Variants in C2orf76 observed in about 807,000 individuals in gnomAD.
C2orf76 encodes UPF0538 protein C2orf76.
Under a neutral mutation model 16.9 loss-of-function variants are expected in C2orf76, and 23 were observed. The ratio of observed to expected loss-of-function variants is 1.36; its 90% CI spans 0.98 to 1.93. The LOEUF is 1.93. Among genes scored for constraint, C2orf76 ranks in the 30% most tolerant of loss-of-function variants. C2orf76 has a pLI of 0.00. For missense variants in C2orf76, 152 were observed against 152.6 expected (o/e 1.00, Z 0.02); for synonymous variants, 48 against 52.3 (o/e 0.92, Z 0.35).
chr2:119,366,777 C>G lies in C2orf76; in HGVS notation c.-13+13G>C, dbSNP rs1201380550. 3.5e-6 allele frequency: 2 copies of G among 574,812 alleles called. No homozygotes were observed. The highest frequency in any genetic ancestry group is 6.2e-6 in the Non-Finnish European group (2 of 324,292). The allele number at this position is 574,812 out of a possible 1,614,324, so 35.6% of individuals were successfully genotyped here. A position where few individuals can be genotyped will look rare whatever the true frequency, so the allele number is the denominator to read the frequency against. On this transcript the variant is annotated intron_variant, in intron 1 of 5. Transcript: ENST00000334816. ...GGCAGCAAAACTAAGCACCCTACTT[C>G]CGTTGTCCCCACCTGTTCCCGGCGT...
intron 1 of C2orf76, among the ~76,000 whole-genome samples, chr2:119,349,380 G>A (rs1680308720): frequency 6.6e-6 from 1 of 152,188 alleles, no homozygotes; most frequent in African/African-American, 2.4e-5. Context: ...GGAAAGGAGG[G>A]AAAGGCTAGG....
the C2orf76 span, among the ~76,000 whole-genome samples, chr2:119,291,005 G>A: frequency 6.6e-6 from 1 of 151,948 alleles, no homozygotes; most frequent in Non-Finnish European, 1.5e-5. Context: ...CTTAACAAAT[G>A]ACTGACACCG....
intron 1 of C2orf76, among the ~76,000 whole-genome samples, chr2:119,346,054 CAAA>C (rs56669262): frequency 1.7e-3 from 122 of 73,554 alleles, no homozygotes; most frequent in African/African-American, 5.1e-3. Flanking sequence ...GACGCCATCT[CAAA>C]AAAAAAAAAA....
intron 1 of C2orf76, among the ~76,000 whole-genome samples, chr2:119,342,942 G>A (rs937425512): frequency 1.3e-5 from 2 of 152,026 alleles, no homozygotes; most frequent in African/African-American, 4.8e-5. Flanking sequence ...GCTAATTTTT[G>A]TATTTTTAGT....
intron 1 of C2orf76, among the ~76,000 whole-genome samples, chr2:119,345,646 G>A (rs911084952): frequency 4.6e-5 from 7 of 152,292 alleles, no homozygotes; most frequent in African/African-American, 1.7e-4. Context: ...AGGGTTGGTA[G>A]AAATAAGAAG....
intron 2 of C2orf76, among the ~76,000 whole-genome samples, chr2:119,336,324 C>G (rs1178003818): frequency 2.0e-5 from 3 of 151,994 alleles, no homozygotes; most frequent in Non-Finnish European, 4.4e-5. Flanking sequence ...ATTCAGGAGC[C>G]AGAGGTTGTT....
intron 2 of C2orf76, among the ~76,000 whole-genome samples, chr2:119,328,414 A>G (rs1449070533): frequency 3.9e-5 from 6 of 152,084 alleles, no homozygotes; most frequent in Admixed American, 3.9e-4. Flanking sequence ...TGTTAAGAAT[A>G]TTCCTTTATT....
rs554692768 is a variant in C2orf76, at chr2:119,328,747, A to G, written c.134-7543T>C. 1.3e-3 allele frequency among the ~76,000 whole-genome samples: 199 copies of G among 152,242 alleles called. 1 individual carries two copies. Among genetic ancestry groups the G allele is most frequent in the African/African-American group, 4.6e-3 (193 of 41,550 alleles). On this transcript the variant is annotated intron_variant, in intron 2 of 5. Transcript: ENST00000334816. ...TTTAGTACTATAGACTTTCTTTTAAATACTATTTTACATGCATCCCACAAA... is the reference window on the plus strand; with the variant it reads ...TTTAGTACTATAGACTTTCTTTTAAGTACTATTTTACATGCATCCCACAAA...
At chr2:119,340,915 A>C (rs1680008730) in intron 1 of C2orf76, among the ~76,000 whole-genome samples, 1 of 99,388 alleles carries the variant, frequency 1.0e-5, no homozygotes, top group Non-Finnish European at 2.3e-5. Flanking sequence ...CAAACAGTTA[A>C]AAAAAAAAAA....
intron 1 of C2orf76, among the ~76,000 whole-genome samples, chr2:119,361,846 T>C (rs55765499): frequency 0.17 from 26,359 of 152,172 alleles, 2,476 homozygotes; most frequent in East Asian, 0.23. Flanking sequence ...AATAGTGTTT[T>C]TTTGAACAAC....
chr2:119,317,175 ATTTACTTTTCCAAGTTT>A, intron 4 of C2orf76, among the ~76,000 whole-genome samples: 1 of 152,140 alleles, frequency 6.6e-6, no homozygotes. Flanking sequence ...TGTAAATTGA[ATTTACTTTTCCAAGTTT>A]TATGCTTATT....
chr2:119,337,336 G>C (rs563058299), intron 2 of C2orf76, among the ~76,000 whole-genome samples: 1 of 151,802 alleles, frequency 6.6e-6, no homozygotes, highest in Non-Finnish European at 1.5e-5. Flanking sequence ...CTCCCAAATT[G>C]CTGGGATTAC....
At chr2:119,350,363 G>A (rs1454551545) in intron 1 of C2orf76, among the ~76,000 whole-genome samples, 1 of 152,140 alleles carries the variant, frequency 6.6e-6, no homozygotes, top group Admixed American at 6.5e-5. Context: ...CCCAGGTGGT[G>A]CTTTGAAAAG....
chr2:119,326,613 G>C (rs943761971), intron 2 of C2orf76, among the ~76,000 whole-genome samples: 8 of 151,746 alleles, frequency 5.3e-5, no homozygotes, highest in African/African-American at 1.9e-4. Context: ...AAAAAAGCCT[G>C]CCAGAATTTT....
At chr2:119,366,313 G>C in intron 1 of C2orf76, 1 of 410,282 alleles carries the variant, frequency 2.4e-6, no homozygotes, top group South Asian at 1.8e-5. Flanking sequence ...GTCCAAGTTT[G>C]TTAAATCAAG....
chr2:119,323,213 G>T (rs1679403148), intron 2 of C2orf76, among the ~76,000 whole-genome samples: 1 of 150,812 alleles, frequency 6.6e-6, no homozygotes, highest in South Asian at 2.1e-4. Context: ...TAATAGACAG[G>T]TTTCACTAGG....
At chr2:119,342,630 A>G (rs1191500730) in intron 1 of C2orf76, among the ~76,000 whole-genome samples, 3 of 152,252 alleles carry the variant, frequency 2.0e-5, no homozygotes, top group South Asian at 4.1e-4. Flanking sequence ...AAAAAGAAAA[A>G]AAAAAAGAAA....
chr2:119,339,904 C>T lies in C2orf76; in HGVS notation c.56G>A (p.Arg19His), dbSNP rs780592227. 90 of 1,612,934 alleles carry T rather than the reference C, an allele frequency of 5.6e-5. No individual in the cohort carries two copies. Among genetic ancestry groups the T allele is most frequent in the South Asian group, 5.3e-4 (48 of 91,042 alleles). The change falls in exon 2 of 6, where the codon CGC (arginine) becomes CAC (histidine). Residue 19 changes from arginine (R) to histidine (H), a missense_variant. Coordinates refer to ENST00000334816, the MANE Select transcript of C2orf76 (RefSeq NM_001322331.2). The part of the protein sequence containing the change: ...TVRLIRSFEH[R>H]NFKPVVYHGV... ...GTGATACACTACAGGTTTGAAATTG[C>T]GATGTTCAAAGGAACGGATGAGGCG...
At chr2:119,366,478 A>T (rs1323769344) in intron 1 of C2orf76, 6 of 471,606 alleles carry the variant, frequency 1.3e-5, no homozygotes. Flanking sequence ...CTTTCGGGAG[A>T]CCAGTCCAGC....
Sources: gnomAD v4.1 joint callset for allele counts (sites outside exome capture counted in the v4.1 genomes callset) on GRCh38, gnomAD v4.1.1 for gene constraint, MANE v1.5 for transcripts, NCBI Gene and HGNC (gene_info 2026-07-23, HGNC 2026-07-21) for gene names.